Variants in LRRC28 observed in about 807,000 individuals in gnomAD.
LRRC28 encodes the protein leucine-rich repeat-containing protein 28.
Under a neutral mutation model 45.7 loss-of-function variants are expected in LRRC28, and 39 were observed. The observed-to-expected ratio is 0.85, with a 90% CI of 0.66 to 1.12. The LOEUF (loss-of-function observed/expected upper bound fraction) is 1.12. Ranked by LOEUF, LRRC28 falls within the 50% of genes most tolerant of loss-of-function variation. LRRC28 has a pLI of 0.00. For synonymous variants in LRRC28, 206 were observed against 178.8 expected (o/e 1.15, Z -1.22); for missense variants, 435 against 438.5 (o/e 0.99, Z 0.07).
chr15:99,361,680 A>G (rs1053841575), intron 8 of LRRC28, among the ~76,000 whole-genome samples, 169 bp downstream of exon 8: 5 of 152,258 alleles, frequency 3.3e-5, no homozygotes, highest in Non-Finnish European at 5.9e-5. Context: ...AGTGGCATTA[A>G]GTCCATTCAC....
intron 9 of LRRC28, among the ~76,000 whole-genome samples, chr15:99,375,025 T>A (rs959723745): frequency 3.3e-5 from 5 of 152,174 alleles, no homozygotes; most frequent in Admixed American, 1.3e-4. Context: ...GTATAATGTG[T>A]TAACTATAAT....
At chr15:99,298,066 AAAG>A (rs1426162204) in intron 5 of LRRC28, among the ~76,000 whole-genome samples, 1 of 152,036 alleles carries the variant, frequency 6.6e-6, no homozygotes, top group Non-Finnish European at 1.5e-5. Context: ...AAAAAAGGCA[AAAG>A]AAGAAAAGTT....
chr15:99,335,440 T>C (rs1463304057), intron 6 of LRRC28, among the ~76,000 whole-genome samples: 1 of 152,204 alleles, frequency 6.6e-6, no homozygotes, highest in Non-Finnish European at 1.5e-5. Flanking sequence ...TGTACAAATG[T>C]AGATGATTCT....
At chr15:99,285,541 A>C in intron 3 of LRRC28, 1 of 1,066,594 alleles carries the variant, frequency 9.4e-7, no homozygotes, top group Non-Finnish European at 1.4e-6. Flanking sequence ...GAGCTTCCTC[A>C]GCTGTTCGGG....
chr15:99,285,419 C>T lies in LRRC28; in HGVS notation c.210-1838C>T, dbSNP rs181434289. On this transcript the variant is annotated intron_variant, in intron 3 of 9. Coordinates refer to ENST00000301981, the MANE Select transcript of LRRC28 (RefSeq NM_144598.5). ...ATAGTGACAAACCCAAAGCCCCTGG[C>T]GTGCTTGGTGTTGGGATCTCCCATG... 98 of 758,784 alleles carry T rather than the reference C, an allele frequency of 1.3e-4. 1 individual carries two copies. Among genetic ancestry groups the T allele is most frequent in the South Asian group, 4.1e-4 (30 of 73,420 alleles). The allele number at this position is 758,784 out of a possible 1,614,324, so 47.0% of individuals were successfully genotyped here.
At chr15:99,283,569 TCGAGCCA>T (rs1474338791) in intron 3 of LRRC28, among the ~76,000 whole-genome samples, 1 of 134,182 alleles carries the variant, frequency 7.5e-6, no homozygotes, top group Non-Finnish European at 1.5e-5. Context: ...TGAGCAGAGA[TCGAGCCA>T]CGGCACTCTA....
intron 3 of LRRC28, among the ~76,000 whole-genome samples, chr15:99,277,468 C>G (rs546958825): frequency 3.4e-4 from 52 of 152,184 alleles, no homozygotes; most frequent in African/African-American, 1.2e-3. Flanking sequence ...CCCCCTCCCC[C>G]AAGCTGAATG....
rs1384464583 is a variant in LRRC28 at position 99,271,256 on chromosome 15, T to C, written c.169-5320T>C. On this transcript the variant is annotated intron_variant, in intron 2 of 9. Coordinates refer to ENST00000301981, the MANE Select transcript of LRRC28 (RefSeq NM_144598.5). ...TAGTGGCCTGTAATACACACAAGTT[T>C]TTACATTTTGATGACATCCAGTGTA... Among the ~76,000 whole-genome samples the C allele has an allele frequency of 3.3e-5, 5 of 152,180 alleles. No homozygotes were observed. The East Asian group carries it at 9.7e-4, about 29-fold the overall frequency.
Position 99,321,652 on chromosome 15 carries a change from A to G in LRRC28, c.386-12271A>G, listed in dbSNP as rs1267006305. Among the ~76,000 whole-genome samples the G allele has an allele frequency of 3.3e-5, 5 of 152,186 alleles. 1 individual carries two copies. The highest frequency in any genetic ancestry group is 1.2e-4 in the African/African-American group (5 of 41,446). On this transcript the variant is annotated intron_variant, in intron 5 of 9. Transcript: ENST00000301981. The stretch of plus-strand genomic sequence containing the variant: ...TAATTTTGCTAAGCAACAAATCTGA[A>G]TCATAAGTGTGAGGTTTGTGTGCAG...
chr15:99,288,460 T>A (rs9920437), intron 5 of LRRC28, among the ~76,000 whole-genome samples: 3 of 149,104 alleles, frequency 2.0e-5, no homozygotes, highest in African/African-American at 7.5e-5. Context: ...CAGCTCACTG[T>A]AATCTCTGCC....
intron 5 of LRRC28, among the ~76,000 whole-genome samples, chr15:99,307,632 C>G (rs1182794747): frequency 1.3e-5 from 2 of 152,192 alleles, no homozygotes; most frequent in Admixed American, 1.3e-4. Context: ...TCTTCCTCAT[C>G]TCATTTTTCT....
At chr15:99,295,327 A>G (rs2082235086) in intron 5 of LRRC28, among the ~76,000 whole-genome samples, 1 of 152,248 alleles carries the variant, frequency 6.6e-6, no homozygotes, top group African/African-American at 2.4e-5. Flanking sequence ...GTCATAGAAC[A>G]TATTTAAACT....
intron 6 of LRRC28, among the ~76,000 whole-genome samples, chr15:99,346,696 T>C (rs1198042913): frequency 6.6e-6 from 1 of 152,178 alleles, no homozygotes; most frequent in Non-Finnish European, 1.5e-5. Context: ...ATATTTTGTT[T>C]ATACTAAAGC....
chr15:99,300,803 G>C (rs1260406177), intron 5 of LRRC28, among the ~76,000 whole-genome samples: 1 of 152,218 alleles, frequency 6.6e-6, no homozygotes, highest in Non-Finnish European at 1.5e-5. Flanking sequence ...TCCAGCCTGG[G>C]TGACAGAGTG....
intron 5 of LRRC28, chr15:99,333,629 G>A (rs528344157): frequency 2.5e-6 from 1 of 399,748 alleles, no homozygotes; most frequent in South Asian, 3.5e-5. Context: ...TCATCAAGAT[G>A]CAGAAGCCAT....
intron 5 of LRRC28, among the ~76,000 whole-genome samples, chr15:99,329,963 C>CA (rs1956107868): frequency 1.3e-5 from 2 of 152,164 alleles, no homozygotes; most frequent in African/African-American, 4.8e-5. Context: ...TTTATGCTTG[C>CA]AAAAAATATG....
At chr15:99,328,367 A>T (rs4965474) in intron 5 of LRRC28, among the ~76,000 whole-genome samples, 31,508 of 152,100 alleles carry the variant, frequency 0.21, 3,413 homozygotes, top group East Asian at 0.41. Context: ...GAATGTTGAA[A>T]TCCTGAAAGC....
At chr15:99,318,032 T>C (rs541534282) in intron 5 of LRRC28, among the ~76,000 whole-genome samples, 5 of 152,270 alleles carry the variant, frequency 3.3e-5, no homozygotes, top group African/African-American at 2.4e-5. Flanking sequence ...TTTGCAAAGA[T>C]TGGGAATAAA....
At chr15:99,270,895 C>T (rs1305341247) in intron 2 of LRRC28, among the ~76,000 whole-genome samples, 5 of 152,190 alleles carry the variant, frequency 3.3e-5, no homozygotes, top group African/African-American at 1.2e-4. Flanking sequence ...CACAATGGTT[C>T]CAGTTTCTCC....
Sources: gnomAD v4.1 joint callset for allele counts (sites outside exome capture counted in the v4.1 genomes callset) on GRCh38, gnomAD v4.1.1 for gene constraint, MANE v1.5 for transcripts, NCBI Gene and HGNC (gene_info 2026-07-23, HGNC 2026-07-21) for gene names.